ASIC2: variants seen among roughly 807,000 people sequenced by gnomAD.
ASIC2 encodes the protein acid-sensing ion channel 2.
ASIC2 carries 25 observed loss-of-function variants against 57.3 expected under a neutral mutation model. That is an observed-to-expected ratio of 0.44 (90% CI 0.32 to 0.61). The LOEUF is 0.61. ASIC2 is among the 20% of genes least tolerant of loss of function. The pLI is 0.06. For synonymous variants in ASIC2, 319 were observed against 307.5 expected (o/e 1.04, Z -0.39); for missense variants, 641 against 738.1 (o/e 0.87, Z 1.52).
At chr17:33,280,124 C>G (rs978570008) in intron 1 of ASIC2, among the ~76,000 whole-genome samples, 2 of 152,110 alleles carry the variant, frequency 1.3e-5, no homozygotes, top group Non-Finnish European at 2.9e-5. Context: ...CGTCTTTCCC[C>G]AGCATCATAG....
intron 1 of ASIC2, among the ~76,000 whole-genome samples, chr17:33,806,590 T>C (rs1044847646): frequency 6.6e-6 from 1 of 152,232 alleles, no homozygotes; most frequent in African/African-American, 2.4e-5. Context: ...TATTTAGCAA[T>C]GCAAATCTCT....
At chr17:33,234,682 T>C (rs1269393099) in intron 1 of ASIC2, among the ~76,000 whole-genome samples, 1 of 152,224 alleles carries the variant, frequency 6.6e-6, no homozygotes, top group Non-Finnish European at 1.5e-5. Context: ...GAGGGACTGC[T>C]TCCCATTTCC....
intron 1 of ASIC2, among the ~76,000 whole-genome samples, chr17:33,492,687 T>C (rs868510966): frequency 4.6e-5 from 7 of 152,284 alleles, no homozygotes; most frequent in Middle Eastern, 6.8e-3. Context: ...ACCTATGACA[T>C]GGGCTGGCTT....
intron 2 of ASIC2, among the ~76,000 whole-genome samples, chr17:33,089,212 G>A (rs2092148155): frequency 6.6e-6 from 1 of 152,196 alleles, no homozygotes; most frequent in Non-Finnish European, 1.5e-5. Context: ...TTGAGACGGA[G>A]AGACTACCCT....
chr17:33,080,219 G>A (rs1321177491), intron 3 of ASIC2, among the ~76,000 whole-genome samples: 1 of 152,104 alleles, frequency 6.6e-6, no homozygotes, highest in African/African-American at 2.4e-5. Context: ...GGAGGTGAAA[G>A]GAAGCCAGGC....
chr17:33,068,528 TCAAAACAAAA>T (rs59094832), intron 3 of ASIC2, among the ~76,000 whole-genome samples: 46 of 149,436 alleles, frequency 3.1e-4, no homozygotes, highest in African/African-American at 5.7e-4. Context: ...AAACTCCATC[TCAAAACAAAA>T]CAAAACAAAA....
chr17:33,447,093 C>T (rs1407209725), intron 1 of ASIC2, among the ~76,000 whole-genome samples: 1 of 152,196 alleles, frequency 6.6e-6, no homozygotes, highest in African/African-American at 2.4e-5. Context: ...GGATTAGCCA[C>T]AGAATGAGCT....
At chr17:33,986,895 G>A (rs949659314) in intron 1 of ASIC2, among the ~76,000 whole-genome samples, 3 of 152,112 alleles carry the variant, frequency 2.0e-5, no homozygotes, top group East Asian at 1.9e-4. Flanking sequence ...TCACAAAATG[G>A]CATTTTTCAA....
chr17:33,432,574 C>G (rs752026276), intron 1 of ASIC2, among the ~76,000 whole-genome samples: 1 of 152,126 alleles, frequency 6.6e-6, no homozygotes, highest in Non-Finnish European at 1.5e-5. Context: ...TTCCTTAGGA[C>G]TTTTTTAACA....
rs377310412 is a variant in ASIC2 at position 33,096,136 on chromosome 17, C to T, written c.860-7146G>A. On this transcript the variant is annotated intron_variant, in intron 2 of 9. Transcript: ENST00000225823. ...AGAGAGAAAGCAAGAAAGAGAGAAA[C>T]TCTCTCTGAAATACAGGAACATTTT... is the stretch of plus-strand genomic sequence containing the variant. Among the ~76,000 whole-genome samples, 381 of 152,146 alleles carry T rather than the reference C, an allele frequency of 2.5e-3. 4 individuals are homozygous for T. Among genetic ancestry groups the T allele is most frequent in the African/African-American group, 8.9e-3 (371 of 41,510 alleles).
At chr17:33,094,133 G>C (rs555238034) in intron 2 of ASIC2, among the ~76,000 whole-genome samples, 1 of 152,158 alleles carries the variant, frequency 6.6e-6, no homozygotes, top group East Asian at 1.9e-4. Flanking sequence ...TCTGTGCTAC[G>C]GGTTTGACTT....
intron 1 of ASIC2, among the ~76,000 whole-genome samples, chr17:33,686,117 G>C (rs977879911): frequency 6.6e-6 from 1 of 152,198 alleles, no homozygotes; most frequent in African/African-American, 2.4e-5. Context: ...GCCTGGGCTG[G>C]AGTGGGTTTC....
At chr17:34,094,666 A>C (rs1427153860) in intron 1 of ASIC2, among the ~76,000 whole-genome samples, 1 of 152,190 alleles carries the variant, frequency 6.6e-6, no homozygotes, top group Non-Finnish European at 1.5e-5. Flanking sequence ...AACCTTGCAA[A>C]TTATCTCCAA....
intron 1 of ASIC2, among the ~76,000 whole-genome samples, chr17:33,746,331 T>TATAC: frequency 1.3e-5 from 2 of 149,344 alleles, no homozygotes; most frequent in Admixed American, 1.3e-4. Flanking sequence ...TATACATATA[T>TATAC]GTATATATAC....
At chr17:33,866,254 A>C (rs754108716) in intron 1 of ASIC2, among the ~76,000 whole-genome samples, 3 of 152,192 alleles carry the variant, frequency 2.0e-5, no homozygotes, top group Non-Finnish European at 4.4e-5. Flanking sequence ...TATACCTAGG[A>C]GTGAAATTGC....
At chr17:34,038,343 A>C in intron 1 of ASIC2, 2 of 1,610,796 alleles carry the variant, frequency 1.2e-6, no homozygotes, top group Non-Finnish European at 1.7e-6. Context: ...TCCAGTGAAA[A>C]GTAATCATAC....
intron 1 of ASIC2, among the ~76,000 whole-genome samples, chr17:34,000,549 A>G (rs1273056492): frequency 6.6e-6 from 1 of 152,156 alleles, no homozygotes; most frequent in Non-Finnish European, 1.5e-5. Context: ...CACCACACCC[A>G]GCCAAAGATC....
At chr17:33,083,664 A>T (rs1007957541) in intron 3 of ASIC2, among the ~76,000 whole-genome samples, 2 of 152,186 alleles carry the variant, frequency 1.3e-5, no homozygotes, top group Non-Finnish European at 2.9e-5. Flanking sequence ...GAGGGAGCAG[A>T]TGCACAGAGG....
At chr17:33,237,354 T>G (rs1260356325) in intron 1 of ASIC2, among the ~76,000 whole-genome samples, 1 of 147,506 alleles carries the variant, frequency 6.8e-6, no homozygotes, top group African/African-American at 2.5e-5. Flanking sequence ...ACTTAGTAGT[T>G]TTTTTTTTTT....
Sources: gnomAD v4.1 joint callset for allele counts (sites outside exome capture counted in the v4.1 genomes callset) on GRCh38, gnomAD v4.1.1 for gene constraint, MANE v1.5 for transcripts, NCBI Gene and HGNC (gene_info 2026-07-23, HGNC 2026-07-21) for gene names.